The following TCF20 variants were observed in gnomAD, a reference collection of about 807,000 sequenced individuals.
TCF20 encodes the protein transcription factor 20.
Under a neutral mutation model 148.6 loss-of-function variants are expected in TCF20, and 3 were observed. That is an observed-to-expected ratio of 0.02 (90% CI 0.01 to 0.05). The LOEUF is 0.05. Ranked by LOEUF, TCF20 falls within the 10% of genes least tolerant of loss-of-function variation. TCF20 has a pLI of 1.00. For missense variants in TCF20, 2,350 were observed against 2,429.3 expected (o/e 0.97, Z 0.69); for synonymous variants, 1,049 against 909.5 (o/e 1.15, Z -2.76).
chr22:42,289,618 A>G (rs751680408), intron 1 of TCF20, among the ~76,000 whole-genome samples: 30 of 152,328 alleles, frequency 2.0e-4, no homozygotes, highest in Non-Finnish European at 5.9e-5. Context: ...TGCAACTCCA[A>G]TGTGGGTCTG....
At position 42,213,592 on chromosome 22, in the gene TCF20, T is replaced by C. The variant is rs1440189794; in HGVS notation, c.1714A>G (p.Asn572Asp). Residue 572 changes from asparagine (N) to aspartate (D), a missense_variant, in exon 2 of 6, where the codon AAT becomes GAT. Around this residue, in one of 7 missense-constraint regions of TCF20, gnomAD observed 1,641 missense variants for 1,662.6 expected, o/e 0.99. Coordinates refer to ENST00000677622, the MANE Select transcript of TCF20 (RefSeq NM_001378418.1). The part of the protein sequence containing the change: ...QGAQNEPPRL[N>D]ASPAAREEAT... The stretch of plus-strand genomic sequence containing the variant: ...TCTTCTCTTGCGGCAGGACTAGCAT[T>C]GAGTCTGGGGGGTTCATTCTGAGCA... 2 of 1,614,154 alleles carry C rather than the reference T, an allele frequency of 1.2e-6. No individual in the cohort carries two copies. Among genetic ancestry groups the C allele is most frequent in the Non-Finnish European group, 1.7e-6 (2 of 1,180,032 alleles).
At chr22:42,240,396 C>T (rs1924291415) in intron 1 of TCF20, among the ~76,000 whole-genome samples, 1 of 152,144 alleles carries the variant, frequency 6.6e-6, no homozygotes, top group Non-Finnish European at 1.5e-5. Context: ...TATCACTCAC[C>T]ATATGGTCAC....
chr22:42,325,103 C>A (rs1435872514), intron 1 of TCF20, among the ~76,000 whole-genome samples: 4 of 152,250 alleles, frequency 2.6e-5, no homozygotes, highest in Admixed American at 6.5e-5. Context: ...GCCGGCAGCC[C>A]CAACTACAGA....
intron 1 of TCF20, among the ~76,000 whole-genome samples, chr22:42,312,534 T>G (rs1927554762): frequency 6.6e-6 from 1 of 152,068 alleles, no homozygotes; most frequent in Non-Finnish European, 1.5e-5. Context: ...GAATCCACAC[T>G]ACCCACAAAA....
At chr22:42,242,228 C>CAAAAAAAAAAAAAAA (rs1924501566) in intron 1 of TCF20, among the ~76,000 whole-genome samples, 1 of 72,918 alleles carries the variant, frequency 1.4e-5, no homozygotes, top group African/African-American at 6.2e-5. Context: ...AAAAAAAAAA[C>CAAAAAAAAAAAAAAA]AGAAAAGAAA....
chr22:42,238,756 C>T (rs1259025303), intron 1 of TCF20, among the ~76,000 whole-genome samples: 1 of 152,230 alleles, frequency 6.6e-6, no homozygotes, highest in Non-Finnish European at 1.5e-5. Context: ...CACATCTATA[C>T]ACAACATGTA....
intron 3 of TCF20, among the ~76,000 whole-genome samples, chr22:42,176,386 G>A (rs1936455132): frequency 6.7e-6 from 1 of 149,462 alleles, no homozygotes; most frequent in Non-Finnish European, 1.5e-5. Flanking sequence ...GAAGGGGGGG[G>A]CAGGATGAAT....
chr22:42,191,878 C>A (rs572739880), intron 2 of TCF20, among the ~76,000 whole-genome samples: 1 of 152,178 alleles, frequency 6.6e-6, no homozygotes, highest in African/African-American at 2.4e-5. Flanking sequence ...AGGAGACCTG[C>A]GGCAGCCCTG....
intron 5 of TCF20, among the ~76,000 whole-genome samples, chr22:42,161,951 C>G (rs922819093): frequency 4.1e-5 from 6 of 146,466 alleles, no homozygotes; most frequent in African/African-American, 1.5e-4. Context: ...GTACACGCCA[C>G]CATGCTTGGC....
intron 3 of TCF20, among the ~76,000 whole-genome samples, chr22:42,176,439 T>C (rs1434290725): frequency 6.6e-6 from 1 of 152,196 alleles, no homozygotes; most frequent in Non-Finnish European, 1.5e-5. Flanking sequence ...TCTGTGTATG[T>C]TATGCCTCAC....
At chr22:42,161,972 CTTTTTTTTTTTTTTTTT>C (rs3045573) in intron 5 of TCF20, among the ~76,000 whole-genome samples, 3 of 75,020 alleles carry the variant, frequency 4.0e-5, no homozygotes, top group Non-Finnish European at 7.1e-5. Context: ...TAATGACAGT[CTTTTTTTTTTTTTTTTT>C]TTTTTTTTTT....
intron 1 of TCF20, among the ~76,000 whole-genome samples, chr22:42,243,291 TCAAAAAAAAAAAAAA>T (rs1924604628): frequency 7.7e-5 from 1 of 12,912 alleles, no homozygotes; most frequent in African/African-American, 2.4e-4. Flanking sequence ...AGACACTGTC[TCAAAAAAAAAAAAAA>T]AAAAAAAAAA....
chr22:42,242,225 A>AAAG (rs1924494235), intron 1 of TCF20, among the ~76,000 whole-genome samples: 1 of 139,566 alleles, frequency 7.2e-6, no homozygotes, highest in African/African-American at 2.7e-5. Flanking sequence ...AAAAAAAAAA[A>AAAG]AACAGAAAAG....
chr22:42,227,999 T>C (rs1798305115), intron 1 of TCF20, among the ~76,000 whole-genome samples: 1 of 152,258 alleles, frequency 6.6e-6, no homozygotes, highest in African/African-American at 2.4e-5. Context: ...TTACTGTTTG[T>C]GAAGTACCAG....
At chr22:42,173,415 C>T (rs1936254884) in intron 3 of TCF20, among the ~76,000 whole-genome samples, 1 of 151,990 alleles carries the variant, frequency 6.6e-6, no homozygotes, top group Non-Finnish European at 1.5e-5. Flanking sequence ...GATCATGAAA[C>T]AAAGATTCTG....
intron 1 of TCF20, among the ~76,000 whole-genome samples, chr22:42,249,660 T>C (rs994783353): frequency 2.6e-5 from 4 of 152,194 alleles, no homozygotes; most frequent in African/African-American, 9.7e-5. Flanking sequence ...TCACAACCAC[T>C]TTGCAAATAA....
intron 1 of TCF20, among the ~76,000 whole-genome samples, chr22:42,221,560 C>T (rs1423480774): frequency 3.3e-5 from 5 of 151,924 alleles, no homozygotes; most frequent in Admixed American, 3.3e-4. Flanking sequence ...GACTAAAAAT[C>T]CTCCCTCAAC....
rs1215277419 is a variant in TCF20, at chr22:42,317,610, C to G, written c.-37+25869G>C. 8.0e-6 allele frequency among the ~76,000 whole-genome samples: 1 copy of G among 125,654 alleles called. No individual in the cohort carries two copies. The highest frequency in any genetic ancestry group is 1.8e-5 in the Non-Finnish European group (1 of 54,676). 82.4% of individuals were successfully genotyped at this position (125,654 alleles called of 152,430 possible). ...CAAGTGACTGGCCCAAGGCAGCACC[C>G]TCAGAGGAGGGCTCTGCTCCTGCAT... On this transcript the variant is annotated intron_variant, in intron 1 of 1. Transcript: ENST00000515426. The surrounding 1 kb of genome is among the most constrained non-coding windows in gnomAD (Gnocchi z 4.2).
intron 2 of TCF20, among the ~76,000 whole-genome samples, chr22:42,192,391 T>C (rs1328200507): frequency 6.6e-6 from 1 of 152,212 alleles, no homozygotes; most frequent in East Asian, 1.9e-4. Context: ...CTTGCATTCA[T>C]ATTACCTTCC....
Sources: gnomAD v4.1 joint callset for allele counts (sites outside exome capture counted in the v4.1 genomes callset) on GRCh38, gnomAD v4.1.1 for gene constraint, gnomAD v4.1.1 regional missense constraint, Gnocchi (gnomAD v3.1) non-coding constraint, MANE v1.5 for transcripts, NCBI Gene and HGNC (gene_info 2026-07-23, HGNC 2026-07-21) for gene names.